DNAJC11: variants seen among roughly 807,000 people sequenced by gnomAD.
The protein encoded by DNAJC11 is dnaJ homolog subfamily C member 11.
In DNAJC11, 15 loss-of-function variants were observed where a neutral mutation model predicts 78.6. The ratio of observed to expected loss-of-function variants is 0.19; its 90% CI spans 0.13 to 0.29. DNAJC11 has a LOEUF of 0.29. Ranked by LOEUF, DNAJC11 falls within the 10% of genes least tolerant of loss-of-function variation. DNAJC11 has a pLI of 1.00. For synonymous variants in DNAJC11, 292 were observed against 272.1 expected, an observed-to-expected ratio of 1.07 and a Z score of -0.72; for missense variants, 547 against 709.6, an observed-to-expected ratio of 0.77 and a Z score of 2.60.
At chr1:6,647,149 T>C (rs1641978844) in intron 7 of DNAJC11, among the ~76,000 whole-genome samples, 2 of 147,792 alleles carry the variant, frequency 1.4e-5, no homozygotes, top group South Asian at 4.4e-4. Context: ...CGTGATCTTC[T>C]CAGCTCACTG....
chr1:6,682,648 CT>C (rs1642572282), intron 1 of DNAJC11, among the ~76,000 whole-genome samples: 1 of 152,222 alleles, frequency 6.6e-6, no homozygotes, highest in South Asian at 2.1e-4. Flanking sequence ...AGAAACAAGG[CT>C]GGACGCAATG....
At position 6,680,862 on chromosome 1, in the gene DNAJC11, A is replaced by G. The variant is rs200735829; in HGVS notation, c.202+46T>C. 115 of 1,598,410 alleles carry G rather than the reference A, an allele frequency of 7.2e-5. No homozygotes were observed. Among genetic ancestry groups the G allele is most frequent in the Middle Eastern group, 1.7e-4 (1 of 5,972 alleles). ...ACAAATCGCACCTCCTAAAAATCGA[A>G]TATCTGTTACCAGGATGTTTCTACA... On this transcript the variant is annotated intron_variant, in intron 2 of 15. Transcript: ENST00000377577. The surrounding 1 kb of genome is among the most constrained non-coding windows in gnomAD (Gnocchi z 4.0).
chr1:6,696,300 A>G (rs1642834562), intron 1 of DNAJC11, among the ~76,000 whole-genome samples: 2 of 152,346 alleles, frequency 1.3e-5, no homozygotes, highest in South Asian at 4.1e-4. Flanking sequence ...AAAGCAATAA[A>G]TGTGTAAACA....
chr1:6,669,957 T>C (rs952175533), intron 3 of DNAJC11, among the ~76,000 whole-genome samples: 1 of 144,636 alleles, frequency 6.9e-6, no homozygotes, highest in East Asian at 2.0e-4. Context: ...CAAAAAATAA[T>C]TTTTTTTTTT....
intron 2 of DNAJC11, 34 bp from the exon 3 acceptor site, chr1:6,678,501 AC>A: frequency 6.4e-7 from 1 of 1,573,456 alleles, no homozygotes; most frequent in South Asian, 1.1e-5. Flanking sequence ...TTTATAAAAT[AC>A]AAAATTCACC....
chr1:6,672,935 G>A (rs1280283367), intron 3 of DNAJC11, among the ~76,000 whole-genome samples: 3 of 152,088 alleles, frequency 2.0e-5, no homozygotes, highest in Admixed American at 6.6e-5. Context: ...CTATCCCTAT[G>A]CTAACCAGAA....
intron 1 of DNAJC11, among the ~76,000 whole-genome samples, chr1:6,682,463 C>A (rs370780439): frequency 6.6e-6 from 1 of 152,116 alleles, no homozygotes; most frequent in East Asian, 1.9e-4. Context: ...ATTGGCCCAT[C>A]GGTCCCACAT....
intron 7 of DNAJC11, among the ~76,000 whole-genome samples, chr1:6,647,042 G>A (rs1002896416): frequency 4.0e-5 from 6 of 150,148 alleles, no homozygotes; most frequent in Non-Finnish European, 8.9e-5. Flanking sequence ...TGTAGTCTCA[G>A]CGACTGAGGA....
chr1:6,672,830 C>T (rs1447120199), intron 3 of DNAJC11, among the ~76,000 whole-genome samples: 2 of 152,178 alleles, frequency 1.3e-5, no homozygotes, highest in African/African-American at 4.8e-5. Flanking sequence ...TTGATAAATA[C>T]CAGACATTTT....
intron 7 of DNAJC11, among the ~76,000 whole-genome samples, chr1:6,646,584 G>A (rs1198879571): frequency 6.6e-6 from 1 of 152,154 alleles, no homozygotes; most frequent in Non-Finnish European, 1.5e-5. Flanking sequence ...GATTTCTGAT[G>A]TACTAGTGAC....
At chr1:6,689,071 AGTTTGACCCTGACC>A (rs1233925806) in intron 1 of DNAJC11, among the ~76,000 whole-genome samples, 8 of 152,218 alleles carry the variant, frequency 5.3e-5, no homozygotes, top group African/African-American at 1.9e-4. Flanking sequence ...GGAGCCAAGG[AGTTTGACCCTGACC>A]CAAGAAATAA....
At chr1:6,697,793 C>T (rs185767256) in intron 1 of DNAJC11, among the ~76,000 whole-genome samples, 3 of 148,932 alleles carry the variant, frequency 2.0e-5, no homozygotes, top group Non-Finnish European at 3.0e-5. Context: ...AATTATATAC[C>T]TCTATTATGC....
chr1:6,674,845 C>T (rs1041702772), intron 3 of DNAJC11, among the ~76,000 whole-genome samples: 1 of 152,116 alleles, frequency 6.6e-6, no homozygotes, highest in Non-Finnish European at 1.5e-5. Context: ...ACTTTGAGAT[C>T]TTTGGATTAA....
intron 1 of DNAJC11, among the ~76,000 whole-genome samples, chr1:6,695,031 G>A (rs1200827535): frequency 3.6e-5 from 5 of 139,850 alleles, no homozygotes; most frequent in Admixed American, 1.4e-4. Flanking sequence ...CTGTAGTCCC[G>A]GCTACTCGGG....
intron 1 of DNAJC11, among the ~76,000 whole-genome samples, chr1:6,682,163 CAAAAAAAAAA>C: frequency 1.1e-5 from 1 of 94,072 alleles, no homozygotes; most frequent in Admixed American, 1.4e-4. Flanking sequence ...ACCATAATTA[CAAAAAAAAAA>C]AAAAAAAAAA....
Position 6,634,502 on chromosome 1 carries a change from T to C in DNAJC11, c.*1173A>G. The C allele has an allele frequency of 7.4e-7, 1 of 1,348,984 alleles. No individual in the cohort carries two copies. Among genetic ancestry groups the C allele is most frequent in the African/African-American group, 1.5e-5 (1 of 67,636 alleles). The allele number at this position is 1,348,984 out of a possible 1,614,324, so 83.6% of individuals were successfully genotyped here. ...TGGGTGGGCTGGAGGCCGGCGCAGC[T>C]TGGGGCCCCCCGCGCCAGCTGTCTC... On this transcript the variant is annotated 3_prime_UTR_variant, in exon 16 of 16. Transcript: ENST00000377577.
chr1:6,637,980 T>C (rs1360444425), intron 12 of DNAJC11: 2 of 390,886 alleles, frequency 5.1e-6, no homozygotes, highest in African/African-American at 2.0e-5. Context: ...ACACGGCCCA[T>C]GGCCACCTGG....
chr1:6,678,051 T>A (rs1228533010), intron 3 of DNAJC11, among the ~76,000 whole-genome samples: 1 of 152,154 alleles, frequency 6.6e-6, no homozygotes, highest in African/African-American at 2.4e-5. Context: ...GAGACAGAAC[T>A]GCACCCTTGA....
At chr1:6,636,267 C>G in intron 14 of DNAJC11, 21 bp from the exon 15 acceptor site, 1 of 1,613,060 alleles carries the variant, frequency 6.2e-7, no homozygotes, top group South Asian at 1.1e-5. Context: ...CAAATTGCTA[C>G]TCTCAATACT....
Sources: gnomAD v4.1 joint callset for allele counts (sites outside exome capture counted in the v4.1 genomes callset) on GRCh38, gnomAD v4.1.1 for gene constraint, Gnocchi (gnomAD v3.1) non-coding constraint, MANE v1.5 for transcripts, NCBI Gene and HGNC (gene_info 2026-07-23, HGNC 2026-07-21) for gene names.